CNTN3: variants seen among roughly 807,000 people sequenced by gnomAD.
The protein encoded by CNTN3 is contactin 3.
Under a neutral mutation model 119.1 loss-of-function variants are expected in CNTN3, and 60 were observed. That is an observed-to-expected ratio of 0.50 (90% CI 0.41 to 0.62). The LOEUF (loss-of-function observed/expected upper bound fraction) is 0.62. CNTN3 is among the 20% of genes least tolerant of loss of function. The pLI, the probability that CNTN3 is intolerant of heterozygous loss-of-function variation, is 0.00. For missense variants in CNTN3, 1,101 were observed against 1,242.4 expected, an observed-to-expected ratio of 0.89 and a Z score of 1.71; for synonymous variants, 450 against 438.7, an observed-to-expected ratio of 1.03 and a Z score of -0.32.
intron 11 of CNTN3, among the ~76,000 whole-genome samples, chr3:74,359,759 A>T (rs1246299833): frequency 6.6e-6 from 1 of 152,200 alleles, no homozygotes; most frequent in East Asian, 1.9e-4. Flanking sequence ...TATGAGGACA[A>T]GTTGATTTAG....
intron 5 of CNTN3, among the ~76,000 whole-genome samples, chr3:74,403,220 T>G (rs1390763422): frequency 1.3e-5 from 2 of 152,072 alleles, no homozygotes; most frequent in Non-Finnish European, 2.9e-5. Flanking sequence ...AATAGGGGAC[T>G]CCTCAAGTAA....
At chr3:74,307,506 T>C (rs1008018920) in intron 13 of CNTN3, among the ~76,000 whole-genome samples, 2 of 152,142 alleles carry the variant, frequency 1.3e-5, no homozygotes, top group Admixed American at 6.6e-5. Context: ...GTGTATCAAA[T>C]GAAATAGGAG....
intron 12 of CNTN3, 105 bp downstream of exon 12, chr3:74,336,426 C>T: frequency 8.2e-7 from 1 of 1,216,246 alleles, no homozygotes; most frequent in Non-Finnish European, 1.2e-6. Flanking sequence ...ACAGGTTCTA[C>T]CTTCATAGTG....
chr3:74,406,682 C>T (rs562874896), intron 5 of CNTN3, among the ~76,000 whole-genome samples: 2 of 152,148 alleles, frequency 1.3e-5, no homozygotes, highest in East Asian at 3.9e-4. Flanking sequence ...AATTTTCCTT[C>T]ATCCAGATAC....
At chr3:74,377,245 T>C (rs553148242) in intron 5 of CNTN3, among the ~76,000 whole-genome samples, 76 of 152,226 alleles carry the variant, frequency 5.0e-4, no homozygotes, top group African/African-American at 1.6e-3. Context: ...TTTTATGTCT[T>C]AGAGAGAAGA....
intron 1 of CNTN3, among the ~76,000 whole-genome samples, chr3:74,567,997 G>A (rs971372409): frequency 6.6e-6 from 1 of 152,250 alleles, no homozygotes; most frequent in Admixed American, 6.5e-5. Context: ...CTGGGTGACT[G>A]TTCCCAAGAA....
At chr3:74,452,447 C>T (rs1470391421) in intron 4 of CNTN3, among the ~76,000 whole-genome samples, 4 of 147,760 alleles carry the variant, frequency 2.7e-5, no homozygotes, top group African/African-American at 1.0e-4. Flanking sequence ...GATATACAAT[C>T]ATGTCATCTG....
chr3:74,404,962 C>T (rs1470631539), intron 5 of CNTN3, among the ~76,000 whole-genome samples: 1 of 151,810 alleles, frequency 6.6e-6, no homozygotes, highest in Non-Finnish European at 1.5e-5. Flanking sequence ...TTTTCCCCTA[C>T]TCTAAAAAAA....
intron 1 of CNTN3, among the ~76,000 whole-genome samples, chr3:74,588,491 G>A (rs1704638550): frequency 1.3e-5 from 2 of 151,982 alleles, no homozygotes; most frequent in African/African-American, 4.8e-5. Flanking sequence ...CCATGCTCAT[G>A]GGTAGGAAGA....
chr3:74,273,757 G>C (rs1701827221), intron 20 of CNTN3, among the ~76,000 whole-genome samples: 1 of 152,204 alleles, frequency 6.6e-6, no homozygotes, highest in African/African-American at 2.4e-5. Flanking sequence ...ACCACAAGAA[G>C]GAAATCTCCA....
chr3:74,573,933 A>G (rs1426885766), intron 1 of CNTN3, among the ~76,000 whole-genome samples: 1 of 152,186 alleles, frequency 6.6e-6, no homozygotes, highest in African/African-American at 2.4e-5. Context: ...GTGACCAAGC[A>G]GTCCTACTCA....
intron 1 of CNTN3, among the ~76,000 whole-genome samples, chr3:74,612,313 C>A (rs1331412930): frequency 6.6e-6 from 1 of 152,208 alleles, no homozygotes; most frequent in Non-Finnish European, 1.5e-5. Flanking sequence ...AAAGGAAAGG[C>A]TACAGCTTGT....
In CNTN3 at chr3:74,553,937, C is replaced by G. The variant is rs193040098; in HGVS notation, c.-80-32745G>C. Among the ~76,000 whole-genome samples the G allele has an allele frequency of 9.2e-5, 14 of 152,246 alleles. No individual in the cohort carries two copies. In the East Asian group the frequency reaches 2.7e-3, roughly 29 times the overall value. On this transcript the variant is annotated intron_variant, in intron 1 of 22. Coordinates refer to ENST00000263665, the MANE Select transcript of CNTN3 (RefSeq NM_020872.3). ...TTTAGTTTAATTAGATCCCATTTGT[C>G]AATTTTGGCTTTTGTTGCCATTGCT...
At chr3:74,570,996 G>A (rs76697367) in intron 1 of CNTN3, among the ~76,000 whole-genome samples, 1,719 of 152,274 alleles carry the variant, frequency 0.011, 12 homozygotes, top group Non-Finnish European at 0.02. Flanking sequence ...GTTTGAAGTA[G>A]AAGCATCTGT....
At chr3:74,612,036 T>C (rs958173608) in intron 1 of CNTN3, among the ~76,000 whole-genome samples, 1 of 152,226 alleles carries the variant, frequency 6.6e-6, no homozygotes, top group African/African-American at 2.4e-5. Context: ...TATAGCGATA[T>C]ACAGATCTGA....
At chr3:74,573,049 G>C (rs1691950043) in intron 1 of CNTN3, among the ~76,000 whole-genome samples, 1 of 152,224 alleles carries the variant, frequency 6.6e-6, no homozygotes, top group Admixed American at 6.5e-5. Context: ...AAGCCTCGGA[G>C]AGTAGATTCC....
chr3:74,273,525 C>A (rs1195991154), intron 20 of CNTN3, among the ~76,000 whole-genome samples: 3 of 152,186 alleles, frequency 2.0e-5, no homozygotes, highest in African/African-American at 7.2e-5. Context: ...CCTCCACCCC[C>A]AAACACATAC....
At position 74,614,603 on chromosome 3, in the gene CNTN3, C is replaced by T. The variant is rs1329091678; in HGVS notation, c.-293G>A. ...GCGCCAGCCCGCCCGCCGCTGCCAC[C>T]GCCGCCGCCGCCAAGCGCCAGGCTG... On this transcript the variant is annotated 5_prime_UTR_variant, in exon 1 of 23. Transcript: ENST00000263665. Among the ~76,000 whole-genome samples, 2 of 149,066 alleles carry T rather than the reference C, an allele frequency of 1.3e-5. No homozygotes were observed. Among genetic ancestry groups the T allele is most frequent in the African/African-American group, 4.9e-5 (2 of 41,146 alleles).
In CNTN3 at chr3:74,425,893, A is replaced by C. The variant is rs112321359; in HGVS notation, c.359-953T>G. On this transcript the variant is annotated intron_variant, in intron 4 of 22. Coordinates refer to ENST00000263665, the MANE Select transcript of CNTN3 (RefSeq NM_020872.3). ...TTACCAAGTACATAGAATTCAAAGGATAACAGTAATTTAAATCAGCATATT... is the reference window on the plus strand; with the variant it reads ...TTACCAAGTACATAGAATTCAAAGGCTAACAGTAATTTAAATCAGCATATT... Among the ~76,000 whole-genome samples the C allele has an allele frequency of 5.9e-3, 906 of 152,282 alleles. 9 individuals carry two copies. The highest frequency in any genetic ancestry group is 0.02 in the African/African-American group (834 of 41,576).
Sources: allele counts gnomAD v4.1 joint callset (sites outside exome capture counted in the v4.1 genomes callset), GRCh38; gene constraint gnomAD v4.1.1; transcripts MANE v1.5; gene names NCBI Gene and HGNC (gene_info 2026-07-23, HGNC 2026-07-21).